Variants in KLRD1 observed in about 807,000 individuals in gnomAD.
KLRD1 encodes the protein killer cell lectin like receptor D1, also known as natural killer cells antigen CD94.
A neutral mutation model predicts 22.6 loss-of-function variants in KLRD1; 21 were observed. The ratio of observed to expected loss-of-function variants is 0.93; its 90% confidence interval spans 0.66 to 1.34. KLRD1 has a LOEUF of 1.34. KLRD1 is among the 40% of genes most tolerant of loss of function. The probability of loss-of-function intolerance (pLI) is 0.00; values close to 1 mark genes in which losing one functional copy is unlikely to be tolerated. For missense variants in KLRD1, 183 were observed against 208.6 expected (o/e 0.88, Z 0.76); for synonymous variants, 59 against 71.1 (o/e 0.83, Z 0.85).
intron 4 of KLRD1, among the ~76,000 whole-genome samples, 179 bp from the exon 5 acceptor site, chr12:10,313,231 C>A (rs1213135258): frequency 1.3e-5 from 2 of 151,996 alleles, no homozygotes; most frequent in Admixed American, 1.3e-4. Context: ...ATGAATGGGC[C>A]TGATAAATGA....
intron 1 of KLRD1, among the ~76,000 whole-genome samples, chr12:10,298,163 A>G (rs1485122868): frequency 6.6e-6 from 1 of 152,212 alleles, no homozygotes; most frequent in East Asian, 1.9e-4. Flanking sequence ...TTCAGCACAC[A>G]ACATGCCAAG....
chr12:10,302,759 C>T (rs1949877661), upstream of KLRD1, among the ~76,000 whole-genome samples: 1 of 147,508 alleles, frequency 6.8e-6, no homozygotes, highest in Non-Finnish European at 1.5e-5. Flanking sequence ...TGGGGTTAGT[C>T]TGAAAAACAC....
At position 10,316,212 on chromosome 12, in the gene KLRD1, C is replaced by G. The variant is rs1950224794; in HGVS notation, c.*1419C>G. 1 of 151,406 alleles carries G rather than the reference C, an allele frequency of 6.6e-6. No homozygotes were observed. The highest frequency in any genetic ancestry group is 1.5e-5 in the Non-Finnish European group (1 of 67,946). The allele number at this position is 151,406 out of a possible 1,614,324, so 9.4% of individuals were successfully genotyped here. A position where few individuals can be genotyped will look rare whatever the true frequency, so the allele number is the denominator to read the frequency against. On this transcript the variant is annotated 3_prime_UTR_variant, in exon 6 of 6. Transcript: ENST00000336164. ...TTTGTTATTTAGTGTACTCCAACCA[C>G]GGAGTAACATCCCATCATAATCCCA...
chr12:10,286,823 A>G (rs1555106030), intron 1 of KLRD1, among the ~76,000 whole-genome samples: 1 of 151,938 alleles, frequency 6.6e-6, no homozygotes, highest in Non-Finnish European at 1.5e-5. Context: ...AACTGTTTAC[A>G]TTCAGTTTTG....
chr12:10,311,666 C>T (rs1299108875), intron 4 of KLRD1, 51 bp downstream of exon 4: 2 of 1,569,372 alleles, frequency 1.3e-6, no homozygotes, highest in East Asian at 2.2e-5. Context: ...GAAAAATATA[C>T]TATCTAAACA....
At chr12:10,243,198 C>T (rs1321882678) in intron 1 of KLRD1, among the ~76,000 whole-genome samples, 1 of 151,978 alleles carries the variant, frequency 6.6e-6, no homozygotes, top group East Asian at 1.9e-4. Context: ...ATCTATTGCA[C>T]AAAAAGTATG....
At chr12:10,272,580 A>G (rs186491706) in intron 1 of KLRD1, among the ~76,000 whole-genome samples, 25 of 152,334 alleles carry the variant, frequency 1.6e-4, no homozygotes, top group Admixed American at 1.4e-3. Flanking sequence ...GTTGAAGATC[A>G]TGAGAGAGCC....
chr12:10,267,744 C>A (rs1451438237), intron 1 of KLRD1, among the ~76,000 whole-genome samples: 1 of 152,196 alleles, frequency 6.6e-6, no homozygotes, highest in Non-Finnish European at 1.5e-5. Flanking sequence ...AGTTACAATT[C>A]ACACAAATTT....
chr12:10,253,954 G>A (rs1263065301), intron 1 of KLRD1, among the ~76,000 whole-genome samples: 1 of 152,108 alleles, frequency 6.6e-6, no homozygotes, highest in African/African-American at 2.4e-5. Flanking sequence ...TTGTTGAATT[G>A]AATGGTAGTT....
intron 1 of KLRD1, among the ~76,000 whole-genome samples, chr12:10,255,325 C>T (rs1270949198): frequency 6.6e-6 from 1 of 152,074 alleles, no homozygotes; most frequent in Non-Finnish European, 1.5e-5. Context: ...TTTATTTTCT[C>T]TATTTTCCAC....
upstream of KLRD1, among the ~76,000 whole-genome samples, chr12:10,302,938 TTATTAGTTTGTCAAAAGC>T (rs1258095423): frequency 2.6e-5 from 4 of 152,204 alleles, no homozygotes; most frequent in Admixed American, 6.5e-5. Flanking sequence ...CGTGACCTTT[TTATTAGTTTGTCAAAAGC>T]TATTAGTTTG....
At chr12:10,273,717 T>C (rs113469735) in intron 1 of KLRD1, among the ~76,000 whole-genome samples, 7 of 152,284 alleles carry the variant, frequency 4.6e-5, no homozygotes, top group African/African-American at 1.4e-4. Context: ...ATAATTCATA[T>C]ATACATGGAT....
At position 10,311,596 on chromosome 12, in the gene KLRD1, T is replaced by C. The variant is rs1279249246; in HGVS notation, c.296T>C (p.Leu99Pro). ...CASQKSSLLQLQNTDELDFMS... is the reference protein window; with the variant it reads ...CASQKSSLLQPQNTDELDFMS... The stretch of plus-strand genomic sequence containing the variant: ...TCTCAGAAATCCAGCCTGCTTCAGC[T>C]TCAAAACACAGATGAACTGGCATGT... Residue 99 changes from leucine to proline, a missense_variant, in exon 4 of 6, where the codon CTT becomes CCT. Physicochemically the swap from Leu to Pro is moderately conservative, Grantham distance 98. Transcript: ENST00000336164. 1.9e-6 allele frequency: 3 copies of C among 1,614,098 alleles called. No homozygotes were observed. Among genetic ancestry groups the C allele is most frequent in the Non-Finnish European group, 2.5e-6 (3 of 1,179,938 alleles).
chr12:10,313,547 T>C, intron 5 of KLRD1, 34 bp downstream of exon 5: 1 of 1,303,556 alleles, frequency 7.7e-7, no homozygotes, highest in Non-Finnish European at 1.1e-6. Context: ...TTTTTTGCTC[T>C]TTATGAATTT....
intron 1 of KLRD1, among the ~76,000 whole-genome samples, chr12:10,284,798 G>T (rs1375609514): frequency 3.3e-5 from 5 of 151,998 alleles, no homozygotes; most frequent in African/African-American, 1.2e-4. Flanking sequence ...CAGCCTCAAC[G>T]TGGAGAAATC....
chr12:10,249,664 A>C (rs1279586098), intron 1 of KLRD1, among the ~76,000 whole-genome samples: 3 of 152,210 alleles, frequency 2.0e-5, no homozygotes, highest in Admixed American at 2.0e-4. Context: ...ATTTATTGAG[A>C]AGCATCCTTG....
intron 1 of KLRD1, among the ~76,000 whole-genome samples, chr12:10,264,796 T>C (rs1231774981): frequency 6.6e-6 from 1 of 152,108 alleles, no homozygotes; most frequent in Non-Finnish European, 1.5e-5. Flanking sequence ...ATTAAATCTC[T>C]AGATTTTATT....
chr12:10,239,434 T>TTCCTTTCCTTCCTTCCTTTCCTTCC lies in KLRD1; in HGVS notation c.-101+13202_-101+13203insCCTTTCCTTCCTTCCTTTCCTTCCT, dbSNP rs59390706. Among the ~76,000 whole-genome samples the TTCCTTTCCTTCCTTCCTTTCCTTCC allele has an allele frequency of 3.4e-3, 140 of 41,444 alleles. 16 individuals are homozygous for TTCCTTTCCTTCCTTCCTTTCCTTCC. The highest frequency in any genetic ancestry group is 0.011 in the African/African-American group (134 of 12,404). The allele number at this position is 41,444 out of a possible 152,430, so 27.2% of individuals were successfully genotyped here. A position where few individuals can be genotyped will look rare whatever the true frequency, so the allele number is the denominator to read the frequency against. ...CTTCCTTCTTTCCATCCTTCCTTCC[T>TTCCTTTCCTTCCTTCCTTTCCTTCC]TTCCTTCCTTCCTTCCTTCCTTCCT... On this transcript the variant is annotated intron_variant, in intron 1 of 5. Coordinates refer to the KLRD1 transcript ENST00000544747.
upstream of KLRD1, among the ~76,000 whole-genome samples, chr12:10,302,108 G>T (rs1949871362): frequency 6.6e-6 from 1 of 152,240 alleles, no homozygotes; most frequent in Non-Finnish European, 1.5e-5. Context: ...TAATATTAAT[G>T]AAAATATTTT....
Sources: gnomAD v4.1 joint callset for allele counts (sites outside exome capture counted in the v4.1 genomes callset) on GRCh38, gnomAD v4.1.1 for gene constraint, MANE v1.5 for transcripts, NCBI Gene and HGNC (gene_info 2026-07-23, HGNC 2026-07-21) for gene names.